The following USP34 variants were observed in gnomAD, a reference collection of about 807,000 sequenced individuals.
USP34 encodes ubiquitin carboxyl-terminal hydrolase 34.
A neutral mutation model predicts 460.3 loss-of-function variants in USP34; 70 were observed. That is an observed-to-expected ratio of 0.15 (90% CI 0.13 to 0.19). USP34 has a LOEUF of 0.19. USP34 is among the 10% of genes least tolerant of loss of function. The probability of loss-of-function intolerance (pLI) is 1.00; values close to 1 mark genes in which losing one functional copy is unlikely to be tolerated. For missense variants in USP34, 3,985 were observed against 4,236.2 expected (o/e 0.94, Z 1.65); for synonymous variants, 1,647 against 1,405.3 (o/e 1.17, Z -3.85).
At chr2:61,292,988 T>A (rs1267211988) in intron 33 of USP34, among the ~76,000 whole-genome samples, 1 of 152,118 alleles carries the variant, frequency 6.6e-6, no homozygotes, top group African/African-American at 2.4e-5. Context: ...AATGTCTAAT[T>A]GCTATAAAAA....
rs757656702 is a variant in USP34 at position 61,236,362 on chromosome 2, G to A, written c.6805C>T (p.Leu2269Phe). The part of the protein sequence containing the change: ...EWIWHDNMQF[L>F]QDKNIFEHTY... ...TGTTCAAAAATGTTTTTGTCTTGAAGAAACTGCATGTTATCATGCCAAATC... is the reference window on the plus strand; with the variant it reads ...TGTTCAAAAATGTTTTTGTCTTGAAAAAACTGCATGTTATCATGCCAAATC... The change falls in exon 54 of 80, where the codon CTT becomes TTT. Residue 2269 changes from leucine (L) to phenylalanine (F), a missense_variant. Leu to Phe is a conservative substitution (Grantham distance 22). Transcript: ENST00000398571. 1.1e-5 allele frequency: 18 copies of A among 1,603,840 alleles called. No homozygotes were observed. The highest frequency in any genetic ancestry group is 1.4e-5 in the Non-Finnish European group (17 of 1,176,008).
In USP34 at chr2:61,243,648, C is replaced by T. The variant is rs190580242; in HGVS notation, c.6627+1562G>A. 6.3e-4 allele frequency among the ~76,000 whole-genome samples: 94 copies of T among 149,480 alleles called. 3 individuals carry two copies. The East Asian group carries it at 0.015, about 23-fold the overall frequency. ...CAGCACTTTGGGAGCCCAAGGTGGG[C>T]GATCACAAGGTCAGGAGATCAAGAC... On this transcript the variant is annotated intron_variant, in intron 51 of 79. Coordinates refer to ENST00000398571, the MANE Select transcript of USP34 (RefSeq NM_014709.4).
chr2:61,285,065 C>T (rs1292325270), intron 34 of USP34, 108 bp from the exon 35 acceptor site: 2 of 731,966 alleles, frequency 2.7e-6, no homozygotes, highest in Non-Finnish European at 4.3e-6. Context: ...AAAATTTTAA[C>T]CCAAAATTCC....
chr2:61,306,870 C>A (rs1322638397), intron 27 of USP34, among the ~76,000 whole-genome samples: 1 of 152,162 alleles, frequency 6.6e-6, no homozygotes, highest in Non-Finnish European at 1.5e-5. Context: ...GTTGGTGGGA[C>A]TGTAAACTAG....
intron 1 of USP34, among the ~76,000 whole-genome samples, chr2:61,458,605 T>A (rs1361489609): frequency 7.6e-5 from 7 of 91,800 alleles, no homozygotes; most frequent in African/African-American, 9.1e-5. Context: ...GTGTCATCAA[T>A]GAAAGAAGGC....
At chr2:61,335,425 G>A (rs1462283563) in intron 18 of USP34, among the ~76,000 whole-genome samples, 1 of 152,166 alleles carries the variant, frequency 6.6e-6, no homozygotes, top group African/African-American at 2.4e-5. Flanking sequence ...GCAACAATGT[G>A]GTTAAGATAA....
chr2:61,434,433 A>T (rs558628776), intron 1 of USP34, among the ~76,000 whole-genome samples: 1 of 152,206 alleles, frequency 6.6e-6, no homozygotes, highest in East Asian at 1.9e-4. Flanking sequence ...CACCAAGCCA[A>T]TTGAGCAACC....
chr2:61,383,436 C>G (rs531491709), intron 5 of USP34, 100 bp from the exon 6 acceptor site: 8 of 820,540 alleles, frequency 9.7e-6, no homozygotes, highest in South Asian at 2.1e-5. Context: ...CAGGCACGGT[C>G]GCTCACGCCT....
chr2:61,404,362 A>G (rs1414940175), intron 3 of USP34, among the ~76,000 whole-genome samples: 3 of 152,176 alleles, frequency 2.0e-5, no homozygotes, highest in Non-Finnish European at 4.4e-5. Context: ...ATATAAAATG[A>G]AATTTTACCT....
chr2:61,382,353 T>C (rs1692998608), intron 6 of USP34, among the ~76,000 whole-genome samples: 2 of 152,194 alleles, frequency 1.3e-5, no homozygotes, highest in African/African-American at 4.8e-5. Context: ...CACATTATTC[T>C]CCACACCAAT....
chr2:61,422,762 G>C (rs112733971), intron 1 of USP34, among the ~76,000 whole-genome samples: 4,446 of 152,272 alleles, frequency 0.029, 100 homozygotes, highest in Non-Finnish European at 0.044. Flanking sequence ...ACTTTGGAAG[G>C]CCAAGGCGGG....
intron 75 of USP34, among the ~76,000 whole-genome samples, chr2:61,202,507 G>C (rs1687004218): frequency 6.6e-6 from 1 of 152,092 alleles, no homozygotes; most frequent in Non-Finnish European, 1.5e-5. Context: ...TACCCAAAGG[G>C]AGCAGTTCTC....
At chr2:61,403,849 C>T (rs1347099424) in intron 3 of USP34, among the ~76,000 whole-genome samples, 2 of 151,658 alleles carry the variant, frequency 1.3e-5, no homozygotes, top group Non-Finnish European at 2.9e-5. Context: ...AAAAATTAGC[C>T]GGGCATGGTG....
intron 79 of USP34, 22 bp from the exon 80 acceptor site, chr2:61,188,731 G>C (rs1433101410): frequency 6.2e-7 from 1 of 1,602,670 alleles, no homozygotes; most frequent in South Asian, 1.1e-5. Context: ...CATGCCAAAA[G>C]GGAAACTTCT....
intron 1 of USP34, among the ~76,000 whole-genome samples, chr2:61,422,852 T>C (rs1694402114): frequency 6.6e-6 from 1 of 151,800 alleles, no homozygotes; most frequent in Admixed American, 6.6e-5. Context: ...TATAAACAAT[T>C]AGCCAGGCAT....
chr2:61,282,480 C>A (rs1689563546), intron 37 of USP34, among the ~76,000 whole-genome samples: 1 of 152,168 alleles, frequency 6.6e-6, no homozygotes, highest in Non-Finnish European at 1.5e-5. Context: ...TCTCTAGCCT[C>A]TATTTCTACT....
intron 64 of USP34, 32 bp downstream of exon 64, chr2:61,223,028 A>G (rs1488590220): frequency 1.3e-6 from 2 of 1,569,006 alleles, no homozygotes; most frequent in Non-Finnish European, 1.7e-6. Context: ...TAAAATTTCC[A>G]AAAATCTTTA....
chr2:61,464,463 T>A (rs1044046188), intron 1 of USP34, among the ~76,000 whole-genome samples: 7 of 152,336 alleles, frequency 4.6e-5, no homozygotes, highest in African/African-American at 1.7e-4. Flanking sequence ...AGTTCAACTT[T>A]TTCACCAAAT....
intron 1 of USP34, among the ~76,000 whole-genome samples, chr2:61,446,391 T>C (rs937313803): frequency 1.3e-5 from 2 of 152,208 alleles, no homozygotes; most frequent in African/African-American, 4.8e-5. Context: ...TTAACAGCTT[T>C]GTCTTAAATA....
Sources: gnomAD v4.1 joint callset for allele counts (sites outside exome capture counted in the v4.1 genomes callset) on GRCh38, gnomAD v4.1.1 for gene constraint, MANE v1.5 for transcripts, NCBI Gene and HGNC (gene_info 2026-07-23, HGNC 2026-07-21) for gene names.